Variants in MKLN1 observed in about 807,000 individuals in gnomAD.
The protein encoded by MKLN1 is muskelin 1, also known as muskelin.
MKLN1 carries 18 observed loss-of-function variants against 99.0 expected under a neutral mutation model. The ratio of observed to expected loss-of-function variants is 0.18; its 90% CI spans 0.13 to 0.27. The LOEUF is 0.27. Among genes scored for constraint, MKLN1 ranks in the 10% least tolerant of loss-of-function variants. The probability of loss-of-function intolerance (pLI) is 1.00; values close to 1 mark genes in which losing one functional copy is unlikely to be tolerated. For synonymous variants in MKLN1, 288 were observed against 293.2 expected (o/e 0.98, Z 0.18); for missense variants, 621 against 875.9 (o/e 0.71, Z 3.67).
chr7:131,417,833 A>G (rs2116364615), intron 8 of MKLN1, among the ~76,000 whole-genome samples: 1 of 152,314 alleles, frequency 6.6e-6, no homozygotes, highest in Middle Eastern at 3.4e-3. Flanking sequence ...GACGTTAGTT[A>G]CGTCTGGTGG....
chr7:131,432,905 A>T (rs1046780756), intron 9 of MKLN1, among the ~76,000 whole-genome samples: 1 of 152,204 alleles, frequency 6.6e-6, no homozygotes, highest in Non-Finnish European at 1.5e-5. Context: ...GAGTGAAAAG[A>T]CAAATTTTTT....
intron 2 of MKLN1, among the ~76,000 whole-genome samples, chr7:131,192,248 A>C (rs1393794462): frequency 1.1e-5 from 1 of 93,012 alleles, no homozygotes; most frequent in African/African-American, 5.4e-5. Context: ...AATATATAAA[A>C]TATAATATAT....
intron 1 of MKLN1, among the ~76,000 whole-genome samples, chr7:131,121,037 T>C (rs568574186): frequency 3.3e-5 from 5 of 152,344 alleles, no homozygotes; most frequent in Admixed American, 3.3e-4. Flanking sequence ...CACATGGTTC[T>C]GTGGAGCTGT....
chr7:131,247,846 C>A (rs1224343645), intron 3 of MKLN1, among the ~76,000 whole-genome samples: 1 of 151,242 alleles, frequency 6.6e-6, no homozygotes, highest in Non-Finnish European at 1.5e-5. Flanking sequence ...ATGTTTAATG[C>A]CTTTAACTTC....
chr7:131,397,048 T>C (rs896574193), intron 4 of MKLN1, among the ~76,000 whole-genome samples: 5 of 152,236 alleles, frequency 3.3e-5, no homozygotes, highest in Non-Finnish European at 5.9e-5. Flanking sequence ...TTTTAATTTA[T>C]CTTACAGTGT....
intron 2 of MKLN1, among the ~76,000 whole-genome samples, chr7:131,197,186 C>T (rs1488154090): frequency 1.3e-5 from 2 of 151,920 alleles, no homozygotes; most frequent in African/African-American, 2.4e-5. Context: ...AACTTCAGAG[C>T]ACAGGCTTGA....
rs373078197 is a variant in MKLN1 at position 131,122,880 on chromosome 7, G to A, written c.-419+12673G>A. Among the ~76,000 whole-genome samples, 209 of 152,058 alleles carry A rather than the reference G, an allele frequency of 1.4e-3. 1 individual carries two copies. The highest frequency in any genetic ancestry group is 4.5e-3 in the African/African-American group (185 of 41,494). On this transcript the variant is annotated intron_variant, in intron 1 of 7. Transcript: ENST00000416992. Reference sequence around the variant, plus strand: ...ACTAAAAATACAAAAAAAATTAGCCGGGTGTGGTGGCCCGCGCCTGTAGTC... The same window carrying A: ...ACTAAAAATACAAAAAAAATTAGCCAGGTGTGGTGGCCCGCGCCTGTAGTC...
intron 2 of MKLN1, among the ~76,000 whole-genome samples, chr7:131,202,120 G>A (rs1435192083): frequency 2.0e-5 from 3 of 147,000 alleles, no homozygotes; most frequent in Non-Finnish European, 3.0e-5. Context: ...ATCTTTTTCG[G>A]GGTTTCTCCA....
At chr7:131,204,640 G>A (rs1314138189) in intron 3 of MKLN1, among the ~76,000 whole-genome samples, 1 of 151,598 alleles carries the variant, frequency 6.6e-6, no homozygotes, top group Non-Finnish European at 1.5e-5. Context: ...GACCAGCCTG[G>A]CCAACATGGT....
intron 16 of MKLN1, among the ~76,000 whole-genome samples, chr7:131,472,594 ATGTGTGTG>A (rs5887506): frequency 2.8e-4 from 42 of 149,944 alleles, no homozygotes; most frequent in South Asian, 4.2e-4. Context: ...TGAAGTGTGT[ATGTGTGTG>A]TGTGTGTGTG....
intron 12 of MKLN1, among the ~76,000 whole-genome samples, chr7:131,459,281 A>G (rs529698401): frequency 1.4e-4 from 22 of 152,336 alleles, no homozygotes; most frequent in African/African-American, 5.3e-4. Context: ...ACAAGGGTAG[A>G]TCACAGAATT....
chr7:131,160,773 A>G (rs1796036619), intron 2 of MKLN1, among the ~76,000 whole-genome samples: 1 of 148,454 alleles, frequency 6.7e-6, no homozygotes, highest in African/African-American at 2.5e-5. Flanking sequence ...CAAGCAATCC[A>G]CCTGTCTCAG....
chr7:131,160,231 A>G (rs990800197), intron 2 of MKLN1, among the ~76,000 whole-genome samples: 2 of 152,114 alleles, frequency 1.3e-5, no homozygotes, highest in Non-Finnish European at 2.9e-5. Flanking sequence ...AGGTTCATCC[A>G]TATTGTATCA....
rs2116344665 is a variant in MKLN1, at chr7:131,414,681, GCCAT to G, written c.820_823del (p.His274ArgfsTer31). The G allele has an allele frequency of 6.2e-7, 1 of 1,608,084 alleles. No individual in the cohort carries two copies. Among genetic ancestry groups the G allele is most frequent in the Non-Finnish European group, 8.5e-7 (1 of 1,176,992 alleles). ...GATAACCGTCCAGGAATGAGAGGAG[GCCAT>G]CAGATGGTTATTGATGTTCAAACAG... is the stretch of plus-strand genomic sequence containing the variant. On this transcript the variant is annotated frameshift_variant, in exon 8 of 18. Transcript: ENST00000352689. LOFTEE classifies it high-confidence loss of function.
chr7:131,113,972 C>A lies in MKLN1; in HGVS notation c.-419+3765C>A, dbSNP rs117979572. Among the ~76,000 whole-genome samples, 76 of 152,328 alleles carry A rather than the reference C, an allele frequency of 5.0e-4. 2 individuals are homozygous for A. The East Asian group carries it at 0.014, about 29-fold the overall frequency. The stretch of plus-strand genomic sequence containing the variant: ...GGGAACTGCCCCCATGATCCAGTCA[C>A]CTCCCACCAGGTCCCTCCCTCAGCA... On this transcript the variant is annotated intron_variant, in intron 1 of 7. Coordinates refer to the MKLN1 transcript ENST00000416992.
At chr7:131,174,289 G>A (rs1287069474) in intron 2 of MKLN1, among the ~76,000 whole-genome samples, 1 of 152,058 alleles carries the variant, frequency 6.6e-6, no homozygotes, top group Non-Finnish European at 1.5e-5. Context: ...GACTTTTGAT[G>A]CTCATTTATC....
intron 3 of MKLN1, among the ~76,000 whole-genome samples, chr7:131,284,828 A>G (rs1419553165): frequency 1.3e-5 from 2 of 152,186 alleles, no homozygotes; most frequent in East Asian, 1.9e-4. Flanking sequence ...GCCCTGAGGA[A>G]TCTGAGAAGC....
At chr7:131,382,714 ATATTTTATTT>A (rs71174944) in intron 2 of MKLN1, among the ~76,000 whole-genome samples, 3 of 148,822 alleles carry the variant, frequency 2.0e-5, no homozygotes, top group African/African-American at 5.0e-5. Context: ...TTAGCTATAG[ATATTTTATTT>A]TATTTTATTT....
rs552483198 is a variant in MKLN1 at position 131,174,649 on chromosome 7, CAG to C, written c.-296-28206_-296-28205del. 2.0e-3 allele frequency among the ~76,000 whole-genome samples: 311 copies of C among 152,294 alleles called. 1 individual carries two copies. Among genetic ancestry groups the C allele is most frequent in the African/African-American group, 6.7e-3 (277 of 41,562 alleles). On this transcript the variant is annotated intron_variant, in intron 2 of 7. Coordinates refer to the MKLN1 transcript ENST00000416992. ...TGATCCTGTGCCTGACGTGATTAAACAGACTCACACACATTTTACAATAACCA... is the reference window on the plus strand; with the variant it reads ...TGATCCTGTGCCTGACGTGATTAAACACTCACACACATTTTACAATAACCA...
Sources: allele counts gnomAD v4.1 joint callset (sites outside exome capture counted in the v4.1 genomes callset), GRCh38; gene constraint gnomAD v4.1.1; transcripts MANE v1.5; gene names NCBI Gene and HGNC (gene_info 2026-07-23, HGNC 2026-07-21).